The following TMIGD3 variants were observed in gnomAD, a reference collection of about 807,000 sequenced individuals.
The protein encoded by TMIGD3 is AD026 protein (AD026).
TMIGD3 carries 21 observed loss-of-function variants against 28.1 expected under a neutral mutation model. That is an observed-to-expected ratio of 0.75 (90% CI 0.53 to 1.08). TMIGD3 has a LOEUF of 1.08. Among genes scored for constraint, TMIGD3 ranks in the 50% least tolerant of loss-of-function variants. The pLI, the probability that TMIGD3 is intolerant of heterozygous loss-of-function variation, is 0.00. For synonymous variants in TMIGD3, 151 were observed against 162.1 expected (o/e 0.93, Z 0.52); for missense variants, 416 against 435.6 (o/e 0.96, Z 0.40).
At chr1:111,506,168 T>C (rs940098440), upstream of TMIGD3, among the ~76,000 whole-genome samples, 4 of 152,230 alleles carry the variant, frequency 2.6e-5, no homozygotes, top group Non-Finnish European at 5.9e-5. Flanking sequence ...CTTCCCCGCT[T>C]AGCCTGTAAG....
intron 1 of TMIGD3, among the ~76,000 whole-genome samples, chr1:111,539,571 C>T (rs1656749820): frequency 6.6e-6 from 1 of 152,174 alleles, no homozygotes. Flanking sequence ...GCTGGGATTA[C>T]AGGAATGAGC....
intron 1 of TMIGD3, among the ~76,000 whole-genome samples, chr1:111,494,395 A>C (rs1324240796): frequency 6.6e-6 from 1 of 152,254 alleles, no homozygotes; most frequent in Non-Finnish European, 1.5e-5. Flanking sequence ...TGTAAAAATC[A>C]CTAGCATTCC....
chr1:111,538,962 C>T (rs1656730987), intron 1 of TMIGD3, among the ~76,000 whole-genome samples: 1 of 152,014 alleles, frequency 6.6e-6, no homozygotes, highest in Non-Finnish European at 1.5e-5. Flanking sequence ...ATTCTACACC[C>T]CCAATGGGCC....
At chr1:111,498,159 T>C (rs747192699) in intron 1 of TMIGD3, among the ~76,000 whole-genome samples, 1 of 152,238 alleles carries the variant, frequency 6.6e-6, no homozygotes, top group Non-Finnish European at 1.5e-5. Flanking sequence ...AATTTGGTTA[T>C]CAGGCTCTGG....
chr1:111,495,469 A>T (rs746038928), intron 1 of TMIGD3, among the ~76,000 whole-genome samples: 2 of 152,194 alleles, frequency 1.3e-5, no homozygotes, highest in Non-Finnish European at 2.9e-5. Flanking sequence ...AATAAGAGAT[A>T]CCAGTGAAGC....
chr1:111,532,116 T>G (rs565733020), intron 1 of TMIGD3, among the ~76,000 whole-genome samples: 57 of 86,274 alleles, frequency 6.6e-4, no homozygotes, highest in African/African-American at 1.6e-3. Flanking sequence ...GCGTGGTTCC[T>G]TTCCTAGCTT....
At chr1:111,507,368 C>T (rs1310328689), upstream of TMIGD3, among the ~76,000 whole-genome samples, 1 of 152,092 alleles carries the variant, frequency 6.6e-6, no homozygotes, top group East Asian at 1.9e-4. Context: ...GGAAGAGTGA[C>T]TGGAGGGGAA....
At position 111,547,461 on chromosome 1, in the gene TMIGD3, C is replaced by T. The variant is rs572880380; in HGVS notation, c.107+16385G>A. ...TTGGTAGTGATGTACAAGGAGACTT[C>T]AAATGTTTGTGAAAATGGAGTTAAA... On this transcript the variant is annotated intron_variant, in intron 1 of 5. Transcript: ENST00000369717. 1.4e-3 allele frequency among the ~76,000 whole-genome samples: 208 copies of T among 152,106 alleles called. 2 individuals carry two copies. Among genetic ancestry groups the T allele is most frequent in the African/African-American group, 4.8e-3 (201 of 41,508 alleles).
chr1:111,516,184 A>G (rs1160567091), intron 1 of TMIGD3, among the ~76,000 whole-genome samples: 1 of 152,258 alleles, frequency 6.6e-6, no homozygotes, highest in Non-Finnish European at 1.5e-5. Context: ...ACCTTGTGCT[A>G]AAGTTGGCCT....
In TMIGD3 at chr1:111,503,464, T is replaced by C. The variant is rs1322229117; in HGVS notation, c.-110A>G. The C allele has an allele frequency of 8.2e-6, 12 of 1,466,170 alleles. No homozygotes were observed. Among genetic ancestry groups the C allele is most frequent in the Non-Finnish European group, 9.9e-6 (11 of 1,106,320 alleles). 90.8% of individuals were successfully genotyped at this position (1,466,170 alleles called of 1,614,324 possible). ...CGTCTTCCCAGAGGTCCATGTGCAG[T>C]GACAGTCTAAAATTCCCAACTTGCT... is the stretch of plus-strand genomic sequence containing the variant. On this transcript the variant is annotated 5_prime_UTR_variant, in exon 1 of 6. Coordinates refer to ENST00000369716, the MANE Select transcript of TMIGD3 (RefSeq NM_020683.7).
At chr1:111,489,519 T>C in intron 2 of TMIGD3, 1 of 967,304 alleles carries the variant, frequency 1.0e-6, no homozygotes, top group Non-Finnish European at 1.3e-6. Context: ...TCCCAGACTG[T>C]GGTTTTGTTG....
chr1:111,512,319 C>CA (rs1655715187), intron 1 of TMIGD3, among the ~76,000 whole-genome samples: 1 of 152,246 alleles, frequency 6.6e-6, no homozygotes, highest in African/African-American at 2.4e-5. Context: ...CAGCATGGCA[C>CA]GCACTCTAGT....
At position 111,503,628 on chromosome 1, in the gene TMIGD3, T is replaced by C. The variant is rs921529225; in HGVS notation, c.-274A>G. ...CAGAATGCTGTAGGACAGCTCTATA[T>C]GGACTGAATCTGAAAGTGCTGCTGC... On this transcript the variant is annotated 5_prime_UTR_variant, in exon 1 of 6. Coordinates refer to ENST00000369716, the MANE Select transcript of TMIGD3 (RefSeq NM_020683.7). The C allele has an allele frequency of 2.5e-6, 3 of 1,217,050 alleles. No homozygotes were observed. Among genetic ancestry groups the C allele is most frequent in the Admixed American group, 3.8e-5 (1 of 26,642 alleles). The allele number at this position is 1,217,050 out of a possible 1,614,324, so 75.4% of individuals were successfully genotyped here.
intron 1 of TMIGD3, among the ~76,000 whole-genome samples, chr1:111,559,483 A>C (rs1657644572): frequency 6.6e-6 from 1 of 152,274 alleles, no homozygotes; most frequent in Admixed American, 6.5e-5. Flanking sequence ...GTTGCAGTCC[A>C]ATTTTTCCAG....
chr1:111,522,221 A>T (rs1021528773), intron 1 of TMIGD3, among the ~76,000 whole-genome samples: 4 of 152,152 alleles, frequency 2.6e-5, no homozygotes, highest in African/African-American at 9.7e-5. Context: ...TCTTTTTCAA[A>T]GTTGTTTTGG....
chr1:111,510,384 C>T (rs1194869549), intron 1 of TMIGD3, among the ~76,000 whole-genome samples: 5 of 151,928 alleles, frequency 3.3e-5, no homozygotes, highest in Non-Finnish European at 5.9e-5. Context: ...TCATCATGAT[C>T]GAAAATACTA....
At chr1:111,514,024 A>C (rs974902889) in intron 1 of TMIGD3, among the ~76,000 whole-genome samples, 2 of 152,194 alleles carry the variant, frequency 1.3e-5, no homozygotes, top group African/African-American at 4.8e-5. Flanking sequence ...AACTGCACAT[A>C]GGCACATGGG....
chr1:111,535,426 G>A (rs753178209), intron 1 of TMIGD3, among the ~76,000 whole-genome samples: 2 of 152,194 alleles, frequency 1.3e-5, no homozygotes, highest in African/African-American at 4.8e-5. Flanking sequence ...TGTAAGCAGC[G>A]GGCATGGAAT....
At chr1:111,488,370 T>TA (rs1654487397) in intron 3 of TMIGD3, among the ~76,000 whole-genome samples, 1 of 152,170 alleles carries the variant, frequency 6.6e-6, no homozygotes, top group East Asian at 1.9e-4. Context: ...CCTTTCAACA[T>TA]AAAGATCTCA....
Sources: allele counts gnomAD v4.1 joint callset (sites outside exome capture counted in the v4.1 genomes callset), GRCh38; gene constraint gnomAD v4.1.1; transcripts MANE v1.5; gene names NCBI Gene and HGNC (gene_info 2026-07-23, HGNC 2026-07-21).